Variants in ANTXR1 observed in about 807,000 individuals in gnomAD.
ANTXR1 encodes anthrax toxin receptor 1.
A neutral mutation model predicts 78.1 loss-of-function variants in ANTXR1; 19 were observed. The ratio of observed to expected loss-of-function variants is 0.24; its 90% CI spans 0.17 to 0.36. The LOEUF is 0.36. Among genes scored for constraint, ANTXR1 ranks in the 10% least tolerant of loss-of-function variants. The pLI is 1.00. For missense variants in ANTXR1, 518 were observed against 718.6 expected, an observed-to-expected ratio of 0.72 and a Z score of 3.19; for synonymous variants, 273 against 260.5, an observed-to-expected ratio of 1.05 and a Z score of -0.46.
chr2:69,072,374 TAG>T (rs1325177859), intron 5 of ANTXR1, among the ~76,000 whole-genome samples: 1 of 152,194 alleles, frequency 6.6e-6, no homozygotes, highest in African/African-American at 2.4e-5. Flanking sequence ...AATATTACAG[TAG>T]AGACTTTCCT....
At chr2:69,170,125 A>C in intron 13 of ANTXR1, 123 bp from the exon 14 acceptor site, 1 of 1,049,650 alleles carries the variant, frequency 9.5e-7, no homozygotes, top group East Asian at 2.5e-5. Flanking sequence ...ATTAAGCCCG[A>C]CTTGCTGGGG....
At chr2:69,174,901 A>G (rs967781252) in intron 14 of ANTXR1, among the ~76,000 whole-genome samples, 5 of 152,222 alleles carry the variant, frequency 3.3e-5, no homozygotes, top group African/African-American at 4.8e-5. Flanking sequence ...TACCTTATAG[A>G]TGCAAAACTG....
chr2:69,187,237 C>A (rs1674439946), intron 16 of ANTXR1, among the ~76,000 whole-genome samples: 1 of 152,136 alleles, frequency 6.6e-6, no homozygotes, highest in Admixed American at 6.5e-5. Flanking sequence ...AACCACACTT[C>A]CCCCCTTCCT....
At chr2:69,124,786 C>A (rs1672475950) in intron 12 of ANTXR1, 143 bp downstream of exon 12, 4 of 820,514 alleles carry the variant, frequency 4.9e-6, no homozygotes, top group Admixed American at 4.0e-5. Context: ...CCCAGCACTG[C>A]TCCACCAGCC....
Position 69,212,247 on chromosome 2 carries a change from G to T in ANTXR1, c.1434+18832G>T, listed in dbSNP as rs74349656. Among the ~76,000 whole-genome samples the T allele has an allele frequency of 8.8e-3, 1,346 of 152,324 alleles. 36 individuals are homozygous for T. In the East Asian group the frequency reaches 0.096, roughly 11 times the overall value. On this transcript the variant is annotated intron_variant, in intron 17 of 17. Coordinates refer to ENST00000303714, the MANE Select transcript of ANTXR1 (RefSeq NM_032208.3). ...GGAGGATGGGAGGAGTAGAGAAAGA[G>T]AGGAGAAAACCAGGGAGGTGACAGT...
chr2:69,181,510 A>G (rs1674274092), intron 14 of ANTXR1, among the ~76,000 whole-genome samples: 1 of 152,242 alleles, frequency 6.6e-6, no homozygotes, highest in East Asian at 1.9e-4. Context: ...GTTAGATGCG[A>G]TTCCCACAAA....
intron 17 of ANTXR1, among the ~76,000 whole-genome samples, chr2:69,239,872 C>T (rs1360378797): frequency 6.6e-6 from 1 of 152,228 alleles, no homozygotes; most frequent in Non-Finnish European, 1.5e-5. Flanking sequence ...ACCATTTCAT[C>T]ATAACCATTT....
At chr2:69,109,122 G>A (rs1558556598) in intron 10 of ANTXR1, among the ~76,000 whole-genome samples, 1 of 152,124 alleles carries the variant, frequency 6.6e-6, no homozygotes, top group Non-Finnish European at 1.5e-5. Context: ...TGTAAAATGA[G>A]TATGGCAATA....
At chr2:69,100,945 C>T (rs932710009) in intron 9 of ANTXR1, among the ~76,000 whole-genome samples, 1 of 152,178 alleles carries the variant, frequency 6.6e-6, no homozygotes, top group South Asian at 2.1e-4. Context: ...CCTTCATAGT[C>T]ATAGGACTTA....
At chr2:69,237,488 C>T (rs1001734609) in intron 17 of ANTXR1, among the ~76,000 whole-genome samples, 1 of 152,234 alleles carries the variant, frequency 6.6e-6, no homozygotes, top group Admixed American at 6.5e-5. Flanking sequence ...GAATGCACTG[C>T]AGCAGTGCCA....
intron 17 of ANTXR1, among the ~76,000 whole-genome samples, chr2:69,221,705 T>A (rs1256802260): frequency 1.3e-5 from 2 of 151,648 alleles, no homozygotes; most frequent in Non-Finnish European, 2.9e-5. Flanking sequence ...AAAAAATTCC[T>A]GTTGCATCAC....
intron 3 of ANTXR1, among the ~76,000 whole-genome samples, chr2:69,067,037 C>A (rs185051734): frequency 1.4e-4 from 21 of 152,248 alleles, no homozygotes; most frequent in Admixed American, 1.2e-3. Flanking sequence ...TAAGAATAGA[C>A]CCTTATTAAT....
At chr2:69,087,383 A>C (rs934005712) in intron 8 of ANTXR1, among the ~76,000 whole-genome samples, 2 of 152,224 alleles carry the variant, frequency 1.3e-5, no homozygotes. Context: ...ACAGGGACTC[A>C]GAGAGGTTAT....
chr2:69,057,720 A>G (rs1159980698), intron 3 of ANTXR1, among the ~76,000 whole-genome samples: 1 of 152,188 alleles, frequency 6.6e-6, no homozygotes, highest in Non-Finnish European at 1.5e-5. Context: ...GCTCTAGTGA[A>G]AGGAGTAGTT....
intron 9 of ANTXR1, among the ~76,000 whole-genome samples, chr2:69,098,136 T>TG (rs954082305): frequency 1.3e-5 from 2 of 152,184 alleles, no homozygotes; most frequent in Non-Finnish European, 2.9e-5. Flanking sequence ...AGGGAAGTTC[T>TG]GGGGGTGACA....
intron 15 of ANTXR1, 95 bp from the exon 16 acceptor site, chr2:69,182,398 C>T (rs1471597153): frequency 1.4e-6 from 2 of 1,432,134 alleles, no homozygotes; most frequent in African/African-American, 2.8e-5. Flanking sequence ...GGTTGGGTAG[C>T]ATTCACATTG....
chr2:69,077,712 C>T (rs898263118), intron 8 of ANTXR1, among the ~76,000 whole-genome samples: 6 of 152,196 alleles, frequency 3.9e-5, no homozygotes, highest in African/African-American at 7.2e-5. Context: ...TTGAAAGGGG[C>T]GCTACTCTGG....
intron 17 of ANTXR1, among the ~76,000 whole-genome samples, chr2:69,212,445 C>A (rs1172769700): frequency 6.6e-6 from 1 of 152,222 alleles, no homozygotes; most frequent in East Asian, 1.9e-4. Context: ...CCATGCCACA[C>A]TTAGCTGCAG....
At chr2:69,121,502 T>C (rs1427062883) in intron 10 of ANTXR1, among the ~76,000 whole-genome samples, 3 of 152,242 alleles carry the variant, frequency 2.0e-5, no homozygotes, top group African/African-American at 7.2e-5. Flanking sequence ...ATGGGGACGT[T>C]GTGCTTAGCA....
Sources: allele counts gnomAD v4.1 joint callset (sites outside exome capture counted in the v4.1 genomes callset), GRCh38; gene constraint gnomAD v4.1.1; transcripts MANE v1.5; gene names NCBI Gene and HGNC (gene_info 2026-07-23, HGNC 2026-07-21).